FNDC3B: variants seen among roughly 807,000 people sequenced by gnomAD.
FNDC3B encodes the protein fibronectin type III domain-containing protein 3B.
A neutral mutation model predicts 151.5 loss-of-function variants in FNDC3B; 12 were observed. The observed-to-expected ratio is 0.08, with a 90% CI of 0.05 to 0.13. The LOEUF (loss-of-function observed/expected upper bound fraction) is 0.13, where lower values mean the gene tolerates loss of function less well. Ranked by LOEUF, FNDC3B falls within the 10% of genes least tolerant of loss-of-function variation. The pLI is 1.00. For synonymous variants in FNDC3B, 528 were observed against 549.0 expected (o/e 0.96, Z 0.54); for missense variants, 1,214 against 1,505.3 (o/e 0.81, Z 3.20).
chr3:172,239,929 C>T (rs541552570), intron 4 of FNDC3B, among the ~76,000 whole-genome samples: 81 of 119,512 alleles, frequency 6.8e-4, no homozygotes, highest in Non-Finnish European at 9.3e-4. Context: ...AATGCAGTGA[C>T]GCGATCTTGG....
chr3:172,232,533 G>A (rs902306646), intron 4 of FNDC3B, among the ~76,000 whole-genome samples: 3 of 152,136 alleles, frequency 2.0e-5, no homozygotes, highest in Non-Finnish European at 4.4e-5. Context: ...ATTTCAGCTT[G>A]GTGGTTTCTC....
At chr3:172,247,918 G>C (rs1185702050) in intron 5 of FNDC3B, 142 bp downstream of exon 5, 15 of 889,428 alleles carry the variant, frequency 1.7e-5, no homozygotes, top group Non-Finnish European at 2.2e-5. Context: ...GGAATTCCTA[G>C]CTTCCTTTGT....
At chr3:172,096,958 C>G (rs1030168630) in intron 1 of FNDC3B, among the ~76,000 whole-genome samples, 21 of 152,144 alleles carry the variant, frequency 1.4e-4, no homozygotes, top group African/African-American at 4.6e-4. Flanking sequence ...TGAGGCTTGC[C>G]AGCTCCTAAG....
chr3:172,079,995 A>G (rs1718199148), intron 1 of FNDC3B, among the ~76,000 whole-genome samples: 1 of 152,226 alleles, frequency 6.6e-6, no homozygotes. Flanking sequence ...CCCAGTCAAG[A>G]AAATGGGGCT....
chr3:172,344,160 T>A lies in FNDC3B; in HGVS notation c.2152T>A (p.Ser718Thr). 1.2e-6 allele frequency: 2 copies of A among 1,614,130 alleles called. No individual in the cohort carries two copies. The highest frequency in any genetic ancestry group is 1.7e-6 in the Non-Finnish European group (2 of 1,179,996). ...GATGACGGAGCCCGAAGACGTAGCC[T>A]CGGAAGTGTACCATGGCCCAGAGCT... is the stretch of plus-strand genomic sequence containing the variant. ...VEMTEPEDVA[S>T]EVYHGPELEC... Residue 718 changes from serine to threonine, a missense_variant, in exon 19 of 26, where the codon TCG (serine) becomes ACG (threonine). Ser to Thr is a moderately conservative substitution (Grantham distance 58). This residue lies in a region of FNDC3B where 380 missense variants were observed against 420.9 expected (regional missense o/e 0.90). Transcript: ENST00000415807.
chr3:172,196,262 A>G (rs1387079461), intron 3 of FNDC3B, among the ~76,000 whole-genome samples: 5 of 152,028 alleles, frequency 3.3e-5, no homozygotes, highest in Admixed American at 3.3e-4. Context: ...ATCATAGTTC[A>G]TTGCAGCCTC....
rs376748853 is a variant in FNDC3B, at chr3:172,307,474, C to T, written c.1173C>T (p.Ser391=). Reference sequence around the variant, plus strand: ...TCCCCCCTAAGCTGGCACATAGGAGCAAAAGTTCACTAACCCTGCAGTGGA... The same window carrying T: ...TCCCCCCTAAGCTGGCACATAGGAGTAAAAGTTCACTAACCCTGCAGTGGA... ...CPFPPKLAHR[S]KSSLTLQWKA... The change falls in exon 10 of 26, where the codon AGC becomes AGT. Residue 391 remains serine, a synonymous_variant. Coordinates refer to ENST00000415807, the MANE Select transcript of FNDC3B (RefSeq NM_022763.4). 17 of 1,613,938 alleles carry T rather than the reference C, an allele frequency of 1.1e-5. No homozygotes were observed. Among genetic ancestry groups the T allele is most frequent in the Non-Finnish European group, 1.4e-5 (17 of 1,179,998 alleles).
chr3:172,105,087 C>G (rs757825924), intron 1 of FNDC3B, among the ~76,000 whole-genome samples: 1 of 152,140 alleles, frequency 6.6e-6, no homozygotes, highest in African/African-American at 2.4e-5. Context: ...TTGCTTTGCT[C>G]TCTCTCTTTC....
chr3:172,239,331 G>T (rs527627644), intron 4 of FNDC3B, among the ~76,000 whole-genome samples: 1 of 152,036 alleles, frequency 6.6e-6, no homozygotes, highest in Non-Finnish European at 1.5e-5. Context: ...TTCATTGTTC[G>T]CATGCTCACT....
At chr3:172,379,272 G>A (rs1245391066) in intron 24 of FNDC3B, among the ~76,000 whole-genome samples, 1 of 152,232 alleles carries the variant, frequency 6.6e-6, no homozygotes, top group African/African-American at 2.4e-5. Flanking sequence ...TCTTTTAGGG[G>A]ACAGACAGCA....
At chr3:172,269,203 G>A (rs1729064944) in intron 6 of FNDC3B, among the ~76,000 whole-genome samples, 1 of 152,098 alleles carries the variant, frequency 6.6e-6, no homozygotes, top group African/African-American at 2.4e-5. Flanking sequence ...TGTGCATATT[G>A]TGATTCACAA....
At chr3:172,289,421 G>GTAATC (rs3054954) in intron 7 of FNDC3B, among the ~76,000 whole-genome samples, 1 of 151,362 alleles carries the variant, frequency 6.6e-6, no homozygotes, top group Non-Finnish European at 1.5e-5. Flanking sequence ...GCCATATAAG[G>GTAATC]TATTCATAGG....
In FNDC3B at chr3:172,330,720, G is replaced by A. The variant is rs781524636; in HGVS notation, c.1554+5G>A. ...GAAATTCAGGAGGATGAAAATGTGAGTTTTACAGATTTTATACTTCTCTGT... is the reference window on the plus strand; with the variant it reads ...GAAATTCAGGAGGATGAAAATGTGAATTTTACAGATTTTATACTTCTCTGT... On this transcript the variant is annotated splice_donor_5th_base_variant and intron_variant, in intron 13 of 25. Coordinates refer to ENST00000415807, the MANE Select transcript of FNDC3B (RefSeq NM_022763.4). The A allele has an allele frequency of 6.2e-7, 1 of 1,609,046 alleles. No homozygotes were observed. Among genetic ancestry groups the A allele is most frequent in the South Asian group, 1.1e-5 (1 of 90,722 alleles).
At chr3:172,387,394 G>C (rs1304185945) in intron 25 of FNDC3B, among the ~76,000 whole-genome samples, 1 of 152,158 alleles carries the variant, frequency 6.6e-6, no homozygotes, top group Non-Finnish European at 1.5e-5. Context: ...CACCATGCCT[G>C]TCCCCTTCAT....
intron 6 of FNDC3B, among the ~76,000 whole-genome samples, chr3:172,254,225 G>A (rs913633347): frequency 3.3e-5 from 5 of 152,060 alleles, no homozygotes; most frequent in Non-Finnish European, 5.9e-5. Context: ...AAAAAGATGC[G>A]GATACCTTAA....
intron 4 of FNDC3B, among the ~76,000 whole-genome samples, chr3:172,246,202 T>G (rs1228053981): frequency 6.7e-6 from 1 of 150,132 alleles, no homozygotes; most frequent in Non-Finnish European, 1.5e-5. Flanking sequence ...TTTTTTTTTG[T>G]AAAACAAAAC....
Position 172,286,002 on chromosome 3 carries a change from C to G in FNDC3B, c.849+18C>G, listed in dbSNP as rs774783123. On this transcript the variant is annotated intron_variant, in intron 7 of 25. Transcript: ENST00000415807. ...AACCACAGGTATGTCTTCTGGATTT[C>G]TCAGCATAAATGACACTTTTTAAAG... 1 of 1,584,006 alleles carries G rather than the reference C, an allele frequency of 6.3e-7. No homozygotes were observed. The highest frequency in any genetic ancestry group is 8.6e-7 in the Non-Finnish European group (1 of 1,158,286).
intron 3 of FNDC3B, among the ~76,000 whole-genome samples, chr3:172,201,069 A>G (rs1197762413): frequency 6.6e-6 from 1 of 152,196 alleles, no homozygotes; most frequent in Non-Finnish European, 1.5e-5. Context: ...GATTTGTTTG[A>G]ACAGTGGTTC....
At chr3:172,397,094 A>G in intron 25 of FNDC3B, 70 bp from the exon 26 acceptor site, 1 of 1,283,854 alleles carries the variant, frequency 7.8e-7, no homozygotes, top group Non-Finnish European at 1.1e-6. Flanking sequence ...GAGTGAATCT[A>G]AACCAAGATT....
Sources: allele counts gnomAD v4.1 joint callset (sites outside exome capture counted in the v4.1 genomes callset), GRCh38; gene constraint gnomAD v4.1.1; regional missense constraint gnomAD v4.1.1; transcripts MANE v1.5; gene names NCBI Gene and HGNC (gene_info 2026-07-23, HGNC 2026-07-21).